ANKRD18A: variants seen among roughly 807,000 people sequenced by gnomAD.
ANKRD18A encodes the protein ankyrin repeat domain-containing protein 18A.
Under a neutral mutation model 110.6 loss-of-function variants are expected in ANKRD18A, and 72 were observed. That is an observed-to-expected ratio of 0.65 (90% CI 0.54 to 0.79). The LOEUF is 0.79. Among genes scored for constraint, ANKRD18A ranks in the 30% least tolerant of loss-of-function variants. The pLI, the probability that ANKRD18A is intolerant of heterozygous loss-of-function variation, is 0.00. For missense variants in ANKRD18A, 934 were observed against 1,163.3 expected (o/e 0.80, Z 2.87); for synonymous variants, 305 against 410.3 (o/e 0.74, Z 3.10).
chr9:38,586,741 T>A (rs915941492), intron 11 of ANKRD18A, among the ~76,000 whole-genome samples: 3 of 152,022 alleles, frequency 2.0e-5, no homozygotes, highest in Non-Finnish European at 4.4e-5. Flanking sequence ...AATTTTGTAT[T>A]TTTAGTAGAG....
At chr9:38,597,289 T>C (rs961304681) in intron 8 of ANKRD18A, among the ~76,000 whole-genome samples, 1 of 152,172 alleles carries the variant, frequency 6.6e-6, no homozygotes, top group African/African-American at 2.4e-5. Context: ...TCTCCTTATT[T>C]TTTCATTTGG....
intron 12 of ANKRD18A, among the ~76,000 whole-genome samples, chr9:38,578,392 C>T (rs1824005784): frequency 6.6e-6 from 1 of 152,180 alleles, no homozygotes; most frequent in Non-Finnish European, 1.5e-5. Flanking sequence ...CTTGCTTTTA[C>T]TTTTATTTTT....
At chr9:38,596,638 G>A (rs912748643) in intron 8 of ANKRD18A, among the ~76,000 whole-genome samples, 4 of 151,992 alleles carry the variant, frequency 2.6e-5, no homozygotes, top group African/African-American at 7.3e-5. Flanking sequence ...ACACACTCTA[G>A]AGAATTTTTA....
chr9:38,581,136 C>T (rs993244616), intron 12 of ANKRD18A, among the ~76,000 whole-genome samples: 11 of 152,122 alleles, frequency 7.2e-5, no homozygotes, highest in African/African-American at 2.7e-4. Context: ...AGCCACAAAA[C>T]TCTGGGTAAT....
At chr9:38,591,597 G>GT (rs1319438310) in intron 10 of ANKRD18A, among the ~76,000 whole-genome samples, 13 of 152,224 alleles carry the variant, frequency 8.5e-5, no homozygotes, top group Admixed American at 7.9e-4. Context: ...AATTTTCACT[G>GT]TTTTTTATCT....
chr9:38,599,088 CTTTCTT>C (rs1194236558), intron 8 of ANKRD18A, among the ~76,000 whole-genome samples: 1 of 152,030 alleles, frequency 6.6e-6, no homozygotes, highest in Non-Finnish European at 1.5e-5. Flanking sequence ...CAACAATTCT[CTTTCTT>C]CTTCTTCTCT....
chr9:38,584,647 TTCAA>T (rs761696149), intron 12 of ANKRD18A, among the ~76,000 whole-genome samples: 7 of 152,084 alleles, frequency 4.6e-5, no homozygotes, highest in Non-Finnish European at 8.8e-5. Context: ...CTGGCCAGGG[TTCAA>T]GACATAAGAG....
At chr9:38,575,429 T>C in intron 15 of ANKRD18A, 47 bp downstream of exon 15, 2 of 1,477,694 alleles carry the variant, frequency 1.4e-6, no homozygotes, top group Non-Finnish European at 1.8e-6. Flanking sequence ...AGACAAGAAT[T>C]ATATTAGAGA....
Position 38,593,735 on chromosome 9 carries a change from T to C in ANKRD18A, c.2004+25A>G. The C allele has an allele frequency of 2.7e-6, 4 of 1,506,730 alleles. 1 individual carries two copies. In the South Asian group the frequency reaches 5.5e-5, roughly 21 times the overall value. The allele number at this position is 1,506,730 out of a possible 1,614,324, so 93.3% of individuals were successfully genotyped here. A position where few individuals can be genotyped will look rare whatever the true frequency, so the allele number is the denominator to read the frequency against. On this transcript the variant is annotated intron_variant, in intron 10 of 15. Transcript: ENST00000399703. ...TATTCAACCAGCTACAGATTAACTG[T>C]CTACATGTTAAATTCCATACATACT...
rs539038951 is a variant in ANKRD18A, at chr9:38,577,929, T to G, written c.2467A>C (p.Lys823Gln). ...MVELGKLQEY[K>Q]SELDERAVQE... ...ACTGCCCTTTCATCCAGCTCCGATT[T>G]ATATTCTTGTAGTTTACCAAGTTCT... The change falls in exon 13 of 16, where the codon AAA (lysine) becomes CAA (glutamine). Residue 823 changes from lysine to glutamine, a missense_variant. By Grantham distance (53) the Lys-to-Gln change is moderately conservative. Transcript: ENST00000399703. The G allele has an allele frequency of 1.3e-5, 21 of 1,596,160 alleles. No individual in the cohort carries two copies. In the African/African-American group the frequency reaches 2.4e-4, roughly 18 times the overall value.
intron 6 of ANKRD18A, chr9:38,604,239 A>G (rs1242749046): frequency 1.3e-5 from 2 of 151,770 alleles, no homozygotes; most frequent in Admixed American, 1.3e-4. Context: ...TGAAGGCTGC[A>G]GTAATCTGAG....
chr9:38,598,729 G>A (rs938990480), intron 8 of ANKRD18A, among the ~76,000 whole-genome samples: 1 of 152,126 alleles, frequency 6.6e-6, no homozygotes, highest in African/African-American at 2.4e-5. Context: ...GTCATATGTG[G>A]GTCCCTGAAA....
chr9:38,605,436 G>A (rs1487445080), intron 6 of ANKRD18A, among the ~76,000 whole-genome samples: 1 of 152,142 alleles, frequency 6.6e-6, no homozygotes. Context: ...CTAACTTATA[G>A]AAGTGGTTTG....
intron 6 of ANKRD18A, among the ~76,000 whole-genome samples, chr9:38,606,861 CA>C (rs1825381973): frequency 6.6e-6 from 1 of 151,758 alleles, no homozygotes; most frequent in Non-Finnish European, 1.5e-5. Context: ...TATATTAATA[CA>C]AAAATATGTA....
intron 15 of ANKRD18A, chr9:38,572,870 A>T (rs1823713684): frequency 3.8e-6 from 1 of 260,888 alleles, no homozygotes; most frequent in Non-Finnish European, 7.3e-6. Flanking sequence ...CTTCTTGGGA[A>T]TTTTTTAAGC....
chr9:38,569,084 G>A (rs1322507990), downstream of ANKRD18A: 1 of 985,282 alleles, frequency 1.0e-6, no homozygotes, highest in East Asian at 1.1e-4. Flanking sequence ...TGTTGGGCTG[G>A]TCACTACCCA....
intron 12 of ANKRD18A, among the ~76,000 whole-genome samples, chr9:38,582,623 A>G (rs1824212275): frequency 6.6e-6 from 1 of 152,256 alleles, no homozygotes; most frequent in African/African-American, 2.4e-5. Flanking sequence ...TGATATTGGA[A>G]CAACTGGGTA....
In ANKRD18A at chr9:38,615,967, T is replaced by C; in HGVS notation, c.284A>G (p.Asp95Gly). ...TGTCCTGTTTAGTCTGTCACAGATG[T>C]CGATCTGGCATCTTCTGTGCAGCAA... Reference protein sequence around the residue: ...TLLLHRRCQIDICDRLNRTPL... With the variant: ...TLLLHRRCQIGICDRLNRTPL... Residue 95 changes from aspartate to glycine, a missense_variant, in exon 2 of 16, where the codon GAC becomes GGC. Asp to Gly is a moderately conservative substitution (Grantham distance 94). This residue lies in a region of ANKRD18A where 630 missense variants were observed against 797.5 expected (regional missense o/e 0.79). Coordinates refer to ENST00000399703, the MANE Select transcript of ANKRD18A (RefSeq NM_147195.4). The C allele has an allele frequency of 6.3e-7, 1 of 1,584,044 alleles. No individual in the cohort carries two copies. The highest frequency in any genetic ancestry group is 8.6e-7 in the Non-Finnish European group (1 of 1,163,838).
intron 7 of ANKRD18A, 66 bp downstream of exon 7, chr9:38,603,093 G>A (rs555409571): frequency 2.3e-5 from 35 of 1,527,536 alleles, no homozygotes; most frequent in Admixed American, 4.1e-5. Context: ...CATTAACTAC[G>A]GCTGAAGCTT....
Sources: allele counts gnomAD v4.1 joint callset (sites outside exome capture counted in the v4.1 genomes callset), GRCh38; gene constraint gnomAD v4.1.1; regional missense constraint gnomAD v4.1.1; transcripts MANE v1.5; gene names NCBI Gene and HGNC (gene_info 2026-07-23, HGNC 2026-07-21).